The following DIAPH2 variants were observed in gnomAD, a reference collection of about 807,000 sequenced individuals.
DIAPH2 encodes the protein diaphanous related formin 2, also known as protein diaphanous homolog 2.
DIAPH2 carries 35 observed loss-of-function variants against 92.7 expected under a neutral mutation model. The observed-to-expected ratio is 0.38, with a 90% CI of 0.29 to 0.50. DIAPH2 has a LOEUF of 0.50. Ranked by LOEUF, DIAPH2 falls within the 20% of genes least tolerant of loss-of-function variation. DIAPH2 has a pLI of 0.94. For missense variants in DIAPH2, 701 were observed against 819.5 expected (o/e 0.86, Z 1.77); for synonymous variants, 301 against 280.4 (o/e 1.07, Z -0.73).
At chrX:97,569,956 C>T (rs974535473) in intron 26 of DIAPH2, among the ~76,000 whole-genome samples, 14 of 102,514 alleles carry the variant, frequency 1.4e-4, no homozygotes, top group Admixed American at 4.4e-4. Context: ...TTAGTGTCAT[C>T]GTCTATTAAA....
In DIAPH2 at chrX:96,959,604, C is replaced by T. The variant is rs1025756144; in HGVS notation, c.1935+1456C>T. ...TCTGTTAATTGTTCCCTTTTCTATG[C>T]GGAAGCGTTTTAGTTTAATATAATC... is the stretch of plus-strand genomic sequence containing the variant. On this transcript the variant is annotated intron_variant, in intron 16 of 26. Transcript: ENST00000324765. Among the ~76,000 whole-genome samples the T allele has an allele frequency of 8.5e-4, 95 of 111,608 alleles. 1 individual carries two copies. The highest frequency in any genetic ancestry group is 2.9e-3 in the African/African-American group (90 of 30,796).
intron 23 of DIAPH2, among the ~76,000 whole-genome samples, chrX:97,264,935 A>T (rs771739893): frequency 9.0e-6 from 1 of 111,496 alleles, no homozygotes; most frequent in East Asian, 2.8e-4. Context: ...GTGAGCCAAG[A>T]TCACACCACT....
At position 97,522,960 on chromosome X, in the gene DIAPH2, T is replaced by G. The variant is rs146113391; in HGVS notation, c.3242-76293T>G. The stretch of plus-strand genomic sequence containing the variant: ...AATGCAAGACTTTTAACACTTTACA[T>G]GACAGATTCAGGTGGGGCTTGCCTA... On this transcript the variant is annotated intron_variant, in intron 26 of 26. Transcript: ENST00000324765. 9.8e-5 allele frequency among the ~76,000 whole-genome samples: 11 copies of G among 112,131 alleles called. No homozygotes were observed. In the East Asian group the frequency reaches 3.1e-3, roughly 32 times the overall value.
At position 97,005,633 on chromosome X, in the gene DIAPH2, G is replaced by A. The variant is rs1346887439; in HGVS notation, c.2050+40426G>A. Among the ~76,000 whole-genome samples, 5 of 110,856 alleles carry A rather than the reference G, an allele frequency of 4.5e-5. No homozygotes were observed. In the Admixed American group the frequency reaches 4.8e-4, roughly 11 times the overall value. On this transcript the variant is annotated intron_variant, in intron 17 of 26. Transcript: ENST00000324765. ...CGGCTCACTGCAAGCTCCGCCTCCC[G>A]GGTTCACGCCATTCTCCTGCCTCAG... is the stretch of plus-strand genomic sequence containing the variant.
At chrX:97,467,830 CAG>C (rs909551030) in intron 26 of DIAPH2, among the ~76,000 whole-genome samples, 5 of 111,625 alleles carry the variant, frequency 4.5e-5, no homozygotes, top group Non-Finnish European at 9.4e-5. Context: ...GGCTGATTTG[CAG>C]AGAGACTGTA....
chrX:97,318,347 C>G (rs979878155), intron 23 of DIAPH2, among the ~76,000 whole-genome samples: 2 of 109,411 alleles, frequency 1.8e-5, no homozygotes, highest in Non-Finnish European at 3.8e-5. Context: ...CTATCTTGGC[C>G]AGGCTGGTCT....
intron 21 of DIAPH2, among the ~76,000 whole-genome samples, chrX:97,127,318 A>G (rs901841434): frequency 8.9e-6 from 1 of 112,246 alleles, no homozygotes; most frequent in Non-Finnish European, 1.9e-5. Flanking sequence ...ATTTAGGGAA[A>G]GGATCTCAAT....
In DIAPH2 at chrX:96,921,440, C is replaced by CT. The variant is rs764553099; in HGVS notation, c.978+2824dup. 3.6e-5 allele frequency among the ~76,000 whole-genome samples: 4 copies of CT among 111,813 alleles called. No homozygotes were observed. In the South Asian group the frequency reaches 1.5e-3, roughly 42 times the overall value. ...CTTTTGATCTGACTTAACCTTCTAA[C>CT]TAGCCTCTTGTCTCTCTTTTTCATT... is the stretch of plus-strand genomic sequence containing the variant. On this transcript the variant is annotated intron_variant, in intron 9 of 26. Transcript: ENST00000324765.
chrX:97,289,715 ATT>A (rs752155445), intron 23 of DIAPH2, among the ~76,000 whole-genome samples: 10 of 96,328 alleles, frequency 1.0e-4, no homozygotes, highest in African/African-American at 2.6e-4. Context: ...CAACAATCCA[ATT>A]TTTTTTTTTT....
chrX:96,810,501 G>A (rs191480769), intron 4 of DIAPH2, among the ~76,000 whole-genome samples: 1 of 111,613 alleles, frequency 9.0e-6, no homozygotes, highest in African/African-American at 3.3e-5. Context: ...TTCTTTTGCT[G>A]TGCAGAAGCT....
At chrX:97,456,182 T>C (rs2070402542) in intron 26 of DIAPH2, among the ~76,000 whole-genome samples, 1 of 111,182 alleles carries the variant, frequency 9.0e-6, no homozygotes, top group Non-Finnish European at 1.9e-5. Context: ...GGTCAGGAGA[T>C]CGAGACCATC....
At chrX:97,095,701 A>C (rs750272325) in intron 19 of DIAPH2, among the ~76,000 whole-genome samples, 1 of 111,363 alleles carries the variant, frequency 9.0e-6, no homozygotes, top group Admixed American at 9.6e-5. Flanking sequence ...CTAACCTTTA[A>C]GTGTTCAATT....
intron 17 of DIAPH2, among the ~76,000 whole-genome samples, chrX:96,975,545 A>G (rs1038380149): frequency 1.8e-5 from 2 of 111,940 alleles, no homozygotes; most frequent in African/African-American, 6.5e-5. Flanking sequence ...ATGGTAACAA[A>G]CCAGGAAGGC....
chrX:96,800,768 G>A, intron 4 of DIAPH2, among the ~76,000 whole-genome samples: 1 of 112,021 alleles, frequency 8.9e-6, no homozygotes, highest in South Asian at 3.8e-4. Context: ...TGCAGTTGGT[G>A]CAATCCCCGA....
chrX:97,476,643 A>C (rs1175472276), intron 26 of DIAPH2, among the ~76,000 whole-genome samples: 1 of 110,774 alleles, frequency 9.0e-6, no homozygotes, highest in Non-Finnish European at 1.9e-5. Context: ...AATTTTTTCA[A>C]TTGAATGAGT....
At chrX:97,195,779 A>G (rs1217410785) in intron 22 of DIAPH2, among the ~76,000 whole-genome samples, 2 of 110,502 alleles carry the variant, frequency 1.8e-5, no homozygotes, top group East Asian at 5.6e-4. Context: ...TCTGTTCGAC[A>G]TATTAAAAAA....
At chrX:97,444,867 C>G (rs1419511269) in intron 26 of DIAPH2, among the ~76,000 whole-genome samples, 4 of 111,636 alleles carry the variant, frequency 3.6e-5, no homozygotes, top group Non-Finnish European at 7.5e-5. Flanking sequence ...CTCTTTTGCA[C>G]CTGGAAGAAC....
chrX:97,576,339 T>G (rs1019469021), intron 26 of DIAPH2, among the ~76,000 whole-genome samples: 3 of 111,725 alleles, frequency 2.7e-5, no homozygotes, highest in African/African-American at 9.8e-5. Flanking sequence ...CTAAGGGAAT[T>G]GTAACAAAGT....
At chrX:97,273,200 A>G (rs2068405574) in intron 23 of DIAPH2, among the ~76,000 whole-genome samples, 1 of 112,403 alleles carries the variant, frequency 8.9e-6, no homozygotes, top group African/African-American at 3.2e-5. Flanking sequence ...CTTGTCAACA[A>G]TATAATGGCT....
Sources: allele counts gnomAD v4.1 joint callset (sites outside exome capture counted in the v4.1 genomes callset), GRCh38; gene constraint gnomAD v4.1.1; transcripts MANE v1.5; gene names NCBI Gene and HGNC (gene_info 2026-07-23, HGNC 2026-07-21).